The following KIF23 variants were observed in gnomAD, a reference collection of about 807,000 sequenced individuals.
KIF23 encodes the protein kinesin family member 23.
In KIF23, 30 loss-of-function variants were observed where a neutral mutation model predicts 137.5. The observed-to-expected ratio is 0.22, with a 90% CI of 0.16 to 0.30. The LOEUF (loss-of-function observed/expected upper bound fraction) is 0.30, where lower values mean the gene tolerates loss of function less well. Ranked by LOEUF, KIF23 falls within the 10% of genes least tolerant of loss-of-function variation. KIF23 has a pLI of 1.00. For synonymous variants in KIF23, 367 were observed against 391.1 expected (o/e 0.94, Z 0.73); for missense variants, 920 against 1,194.3 (o/e 0.77, Z 3.38).
chr15:69,424,570 G>C (rs1283838371), intron 7 of KIF23, among the ~76,000 whole-genome samples: 1 of 152,156 alleles, frequency 6.6e-6, no homozygotes, highest in Admixed American at 6.5e-5. Flanking sequence ...TGCCATGTCA[G>C]CTCACTGCAG....
chr15:69,416,526 G>C (rs1044206556), intron 2 of KIF23, among the ~76,000 whole-genome samples: 3 of 152,162 alleles, frequency 2.0e-5, no homozygotes, highest in Non-Finnish European at 2.9e-5. Context: ...AAACAAAAAG[G>C]GTTCTTTGCT....
At chr15:69,430,600 G>C (rs1328617363) in intron 11 of KIF23, among the ~76,000 whole-genome samples, 9 of 152,190 alleles carry the variant, frequency 5.9e-5, no homozygotes, top group Non-Finnish European at 4.4e-5. Flanking sequence ...TAAAGGCAAC[G>C]TTCCTGTCCC....
intron 20 of KIF23, 84 bp downstream of exon 20, chr15:69,445,125 A>G: frequency 7.8e-7 from 1 of 1,285,088 alleles, no homozygotes; most frequent in Non-Finnish European, 1.1e-6. Flanking sequence ...CTTTGGTGAC[A>G]CACAGGTAGT....
chr15:69,414,454 G>T lies in KIF23; in HGVS notation c.-12G>T. 1 of 1,588,744 alleles carries T rather than the reference G, an allele frequency of 6.3e-7. No homozygotes were observed. Among genetic ancestry groups the T allele is most frequent in the Non-Finnish European group, 8.6e-7 (1 of 1,167,998 alleles). Reference sequence around the variant, plus strand: ...CCCGCATGCGCGTTTGGGCGGCGTGGAGCCTGCTGCCATGAAGTCAGCGTG... The same window carrying T: ...CCCGCATGCGCGTTTGGGCGGCGTGTAGCCTGCTGCCATGAAGTCAGCGTG... On this transcript the variant is annotated 5_prime_UTR_variant, in exon 1 of 24. Coordinates refer to ENST00000679126, the MANE Select transcript of KIF23 (RefSeq NM_001367805.3).
Position 69,426,275 on chromosome 15 carries a change from A to G in KIF23, c.890-61A>G, listed in dbSNP as rs1488666263. The G allele has an allele frequency of 1.1e-5, 18 of 1,604,702 alleles. No individual in the cohort carries two copies. In the Admixed American group the frequency reaches 2.8e-4, roughly 25 times the overall value. ...ATGGCAATTTTTTTTGACTTATTAGAAAGCATGTATAATGAAATGACTGAG... is the reference window on the plus strand; with the variant it reads ...ATGGCAATTTTTTTTGACTTATTAGGAAGCATGTATAATGAAATGACTGAG... On this transcript the variant is annotated intron_variant, in intron 9 of 23. Coordinates refer to ENST00000679126, the MANE Select transcript of KIF23 (RefSeq NM_001367805.3).
At chr15:69,422,460 C>A in intron 6 of KIF23, 25 bp downstream of exon 6, 3 of 1,323,530 alleles carry the variant, frequency 2.3e-6, no homozygotes, top group Non-Finnish European at 3.3e-6. Flanking sequence ...TTGTCTGCAG[C>A]ACTGGCCTAG....
intron 5 of KIF23, 68 bp from the exon 6 acceptor site, chr15:69,422,258 A>G: frequency 1.4e-6 from 2 of 1,444,528 alleles, no homozygotes; most frequent in South Asian, 2.5e-5. Context: ...TTTTAAACAT[A>G]TTTCTTACTA....
At chr15:69,416,235 A>G (rs575046333) in intron 2 of KIF23, among the ~76,000 whole-genome samples, 172 bp downstream of exon 2, 3 of 152,290 alleles carry the variant, frequency 2.0e-5, no homozygotes, top group East Asian at 3.9e-4. Flanking sequence ...TAGCTGTGAA[A>G]TTTTCTCTAT....
At position 69,440,012 on chromosome 15, in the gene KIF23, C is replaced by T. The variant is rs376701807; in HGVS notation, c.1864C>T (p.Arg622Cys). 31 of 1,613,984 alleles carry T rather than the reference C, an allele frequency of 1.9e-5. No homozygotes were observed. In the African/African-American group the frequency reaches 2.1e-4, roughly 11 times the overall value. The change falls in exon 17 of 24, where the codon CGC becomes TGC. Residue 622 changes from arginine to cysteine, a missense_variant. Arg to Cys is a radical substitution (Grantham distance 180). Transcript: ENST00000679126. ...QKLQRQFSDKRRLEARLQGMV... is the reference protein window; with the variant it reads ...QKLQRQFSDKCRLEARLQGMV... ...ACTTCAGCGACAGTTTTCTGACAAA[C>T]GCAGATTAGAAGCCAGGTTGCAAGG... is the stretch of plus-strand genomic sequence containing the variant.
At position 69,429,141 on chromosome 15, in the gene KIF23, T is replaced by C. The variant is rs2057288387; in HGVS notation, c.1042T>C (p.Ser348Pro). The change falls in exon 11 of 24, where the codon TCC becomes CCC. Residue 348 changes from serine to proline, a missense_variant. Coordinates refer to ENST00000679126, the MANE Select transcript of KIF23 (RefSeq NM_001367805.3). Reference sequence around the variant, plus strand: ...AGAACAAATCACTATAAGTCAGTTGTCCTTGGTAGATCTTGCTGGAAGTGA... The same window carrying C: ...AGAACAAATCACTATAAGTCAGTTGCCCTTGGTAGATCTTGCTGGAAGTGA... ...EKEQITISQL[S>P]LVDLAGSERT... is the part of the protein sequence containing the mutation. 2 of 1,613,462 alleles carry C rather than the reference T, an allele frequency of 1.2e-6. No individual in the cohort carries two copies. Among genetic ancestry groups the C allele is most frequent in the Non-Finnish European group, 1.7e-6 (2 of 1,179,530 alleles).
intron 3 of KIF23, among the ~76,000 whole-genome samples, chr15:69,419,094 G>T (rs2056989516): frequency 6.6e-6 from 1 of 152,144 alleles, no homozygotes; most frequent in African/African-American, 2.4e-5. Flanking sequence ...TCCAGCTTGG[G>T]CAACAAGAGT....
At chr15:69,427,112 G>T (rs186181038) in intron 10 of KIF23, among the ~76,000 whole-genome samples, 7 of 151,830 alleles carry the variant, frequency 4.6e-5, no homozygotes, top group Non-Finnish European at 7.4e-5. Flanking sequence ...CAAGACTCTT[G>T]TCTTTGCAAA....
chr15:69,431,582 C>G (rs936239971), intron 11 of KIF23, among the ~76,000 whole-genome samples: 3 of 151,348 alleles, frequency 2.0e-5, no homozygotes, highest in Admixed American at 1.3e-4. Flanking sequence ...CCATTGCACT[C>G]CAGCCTGGGC....
Position 69,426,269 on chromosome 15 carries a change from T to A in KIF23, c.890-67T>A, listed in dbSNP as rs73426083. On this transcript the variant is annotated intron_variant, in intron 9 of 23. Coordinates refer to ENST00000679126, the MANE Select transcript of KIF23 (RefSeq NM_001367805.3). ...AGTTTGATGGCAATTTTTTTTGACT[T>A]ATTAGAAAGCATGTATAATGAAATG... is the stretch of plus-strand genomic sequence containing the variant. 1.1e-3 allele frequency: 1,838 copies of A among 1,603,460 alleles called. 17 individuals are homozygous for A. The African/African-American group carries it at 0.021, about 18-fold the overall frequency.
chr15:69,427,613 A>G, intron 10 of KIF23: 1 of 373,878 alleles, frequency 2.7e-6, no homozygotes, highest in South Asian at 2.0e-5. Flanking sequence ...TCGATAGGCC[A>G]GTAGGGTCCC....
At chr15:69,425,661 G>T (rs1189879696) in intron 8 of KIF23, among the ~76,000 whole-genome samples, 1 of 152,166 alleles carries the variant, frequency 6.6e-6, no homozygotes, top group East Asian at 1.9e-4. Context: ...TTCTGCTGTT[G>T]CTGAGGAGGT....
intron 14 of KIF23, 116 bp downstream of exon 14, chr15:69,436,377 CATA>C: frequency 7.3e-7 from 1 of 1,366,964 alleles, no homozygotes; most frequent in Middle Eastern, 2.0e-4. Context: ...GAACCAAGCA[CATA>C]ATAATTTGAA....
chr15:69,414,685 G>GC, intron 1 of KIF23: 1 of 454,724 alleles, frequency 2.2e-6, no homozygotes, highest in South Asian at 7.5e-5. Flanking sequence ...CTGCCGCGTC[G>GC]CCCCCCGCCG....
chr15:69,416,299 C>T (rs188578503), intron 2 of KIF23, among the ~76,000 whole-genome samples: 1 of 152,234 alleles, frequency 6.6e-6, no homozygotes, highest in Non-Finnish European at 1.5e-5. Context: ...CAACTGCATA[C>T]CTTCTGTAAT....
Sources: gnomAD v4.1 joint callset for allele counts (sites outside exome capture counted in the v4.1 genomes callset) on GRCh38, gnomAD v4.1.1 for gene constraint, MANE v1.5 for transcripts, NCBI Gene and HGNC (gene_info 2026-07-23, HGNC 2026-07-21) for gene names.